Variants in CSMD1 observed in about 807,000 individuals in gnomAD.
CSMD1 encodes the protein CUB and sushi domain-containing protein 1.
CSMD1 carries 213 observed loss-of-function variants against 417.5 expected under a neutral mutation model. The observed-to-expected ratio is 0.51, with a 90% CI of 0.46 to 0.57. The LOEUF (loss-of-function observed/expected upper bound fraction) is 0.57. Ranked by LOEUF, CSMD1 falls within the 20% of genes least tolerant of loss-of-function variation. CSMD1 has a pLI of 0.00. For missense variants in CSMD1, 6,923 were observed against 4,529.7 expected, an observed-to-expected ratio of 1.53 and a Z score of -15.17; for synonymous variants, 2,862 against 1,736.8, an observed-to-expected ratio of 1.65 and a Z score of -16.11.
At chr8:3,310,328 T>C (rs970161128) in intron 23 of CSMD1, among the ~76,000 whole-genome samples, 17 of 146,742 alleles carry the variant, frequency 1.2e-4, no homozygotes, top group East Asian at 3.9e-4. Context: ...ACTGTTGTTA[T>C]TGTTGTAGTG....
At chr8:3,720,787 A>G (rs1343989614) in intron 6 of CSMD1, among the ~76,000 whole-genome samples, 2 of 152,044 alleles carry the variant, frequency 1.3e-5, no homozygotes, top group African/African-American at 4.8e-5. Context: ...ACGATCCAAA[A>G]CAGCTTCAGG....
intron 10 of CSMD1, among the ~76,000 whole-genome samples, chr8:3,520,594 A>G (rs1309034572): frequency 6.6e-6 from 1 of 152,098 alleles, no homozygotes; most frequent in African/African-American, 2.4e-5. Flanking sequence ...CTCACAGACA[A>G]CACCATTTAC....
At chr8:3,791,690 G>A (rs1329891025) in intron 5 of CSMD1, among the ~76,000 whole-genome samples, 4 of 152,066 alleles carry the variant, frequency 2.6e-5, no homozygotes, top group Admixed American at 6.5e-5. Context: ...GGGCACGATG[G>A]TGGGTACCTG....
At chr8:3,756,328 G>C (rs530871205) in intron 5 of CSMD1, among the ~76,000 whole-genome samples, 2 of 146,890 alleles carry the variant, frequency 1.4e-5, no homozygotes, top group African/African-American at 5.1e-5. Context: ...ACTCCACCCT[G>C]GGCAACACAC....
intron 3 of CSMD1, among the ~76,000 whole-genome samples, chr8:4,255,679 G>T (rs1250830390): frequency 6.6e-6 from 1 of 152,204 alleles, no homozygotes; most frequent in African/African-American, 2.4e-5. Context: ...ATTACGTGAA[G>T]AGTTAAGGTA....
At chr8:3,586,392 A>C (rs1800603412) in intron 8 of CSMD1, 132 bp from the exon 9 acceptor site, 1 of 804,018 alleles carries the variant, frequency 1.2e-6, no homozygotes, top group South Asian at 2.1e-5. Context: ...TAAGCAACTC[A>C]TTAGGTAGTA....
chr8:4,650,079 T>TA (rs1018559876), intron 1 of CSMD1, among the ~76,000 whole-genome samples: 11 of 152,098 alleles, frequency 7.2e-5, no homozygotes, highest in African/African-American at 2.7e-4. Flanking sequence ...CAAATAGTCA[T>TA]AAAAATATCA....
intron 3 of CSMD1, among the ~76,000 whole-genome samples, chr8:4,130,952 A>G (rs991785852): frequency 3.3e-5 from 5 of 152,152 alleles, no homozygotes; most frequent in South Asian, 2.1e-4. Context: ...TATCTAATCT[A>G]TAAAATAGAA....
At chr8:4,279,866 A>T (rs1261544320) in intron 3 of CSMD1, among the ~76,000 whole-genome samples, 14 of 152,178 alleles carry the variant, frequency 9.2e-5, no homozygotes, top group Non-Finnish European at 2.1e-4. Flanking sequence ...GTAAAAATGA[A>T]TCTGAAGCAG....
chr8:4,373,896 G>C (rs1028303599), intron 3 of CSMD1, among the ~76,000 whole-genome samples: 8 of 152,100 alleles, frequency 5.3e-5, no homozygotes, highest in Non-Finnish European at 7.4e-5. Context: ...CTGTTAGTGA[G>C]GTATTAAAAT....
At chr8:3,920,031 C>CT (rs1241580769) in intron 5 of CSMD1, among the ~76,000 whole-genome samples, 4,146 of 150,558 alleles carry the variant, frequency 0.028, 211 homozygotes, top group African/African-American at 0.093. Flanking sequence ...TTGTTTTTTA[C>CT]TTTTTTGTTT....
intron 2 of CSMD1, among the ~76,000 whole-genome samples, chr8:4,487,335 T>C (rs1482019000): frequency 6.6e-6 from 1 of 152,082 alleles, no homozygotes; most frequent in Non-Finnish European, 1.5e-5. Flanking sequence ...CCCACAACAG[T>C]CCCCAGAGTG....
chr8:3,216,411 T>C (rs1563151518), intron 29 of CSMD1, among the ~76,000 whole-genome samples: 1 of 152,200 alleles, frequency 6.6e-6, no homozygotes, highest in African/African-American at 2.4e-5. Context: ...CTATTGAAAA[T>C]AAAAAATTTC....
chr8:3,028,694 C>G (rs75571345), intron 51 of CSMD1, among the ~76,000 whole-genome samples: 8,294 of 152,238 alleles, frequency 0.054, 305 homozygotes, highest in Non-Finnish European at 0.082. Context: ...CTGGCATATT[C>G]TTACCAAGCT....
At chr8:4,354,563 T>C (rs1052331966) in intron 3 of CSMD1, among the ~76,000 whole-genome samples, 8 of 152,156 alleles carry the variant, frequency 5.3e-5, no homozygotes, top group South Asian at 2.1e-4. Flanking sequence ...GCACTAAACA[T>C]AGATGGCAGA....
intron 21 of CSMD1, among the ~76,000 whole-genome samples, chr8:3,356,445 G>A (rs980358721): frequency 5.9e-5 from 9 of 152,232 alleles, no homozygotes; most frequent in African/African-American, 2.2e-4. Flanking sequence ...GGGAGGCCAA[G>A]GCGGGCACAT....
chr8:4,489,441 G>A (rs1801585994), intron 2 of CSMD1, among the ~76,000 whole-genome samples: 1 of 152,118 alleles, frequency 6.6e-6, no homozygotes, highest in Non-Finnish European at 1.5e-5. Context: ...CTTTTTATAT[G>A]TTCAAAAACT....
intron 23 of CSMD1, among the ~76,000 whole-genome samples, chr8:3,341,846 G>T (rs1807677665): frequency 6.6e-6 from 1 of 152,080 alleles, no homozygotes; most frequent in Non-Finnish European, 1.5e-5. Flanking sequence ...TAGTGTAGGG[G>T]CAAGGAAGCG....
chr8:3,038,438 G>C (rs1429621797), intron 50 of CSMD1, among the ~76,000 whole-genome samples: 1 of 152,164 alleles, frequency 6.6e-6, no homozygotes, highest in Non-Finnish European at 1.5e-5. Context: ...TTGACTTGTT[G>C]GGCTTAATTG....
Sources: gnomAD v4.1 joint callset for allele counts (sites outside exome capture counted in the v4.1 genomes callset) on GRCh38, gnomAD v4.1.1 for gene constraint, MANE v1.5 for transcripts, NCBI Gene and HGNC (gene_info 2026-07-23, HGNC 2026-07-21) for gene names.